Variants in PPP4R3A observed in about 807,000 individuals in gnomAD.
The protein encoded by PPP4R3A is protein phosphatase 4 regulatory subunit 3A.
A neutral mutation model predicts 91.7 loss-of-function variants in PPP4R3A; 15 were observed. The observed-to-expected ratio is 0.16, with a 90% CI of 0.11 to 0.25. PPP4R3A has a LOEUF of 0.25. Among genes scored for constraint, PPP4R3A ranks in the 10% least tolerant of loss-of-function variants. The pLI is 1.00. For missense variants in PPP4R3A, 623 were observed against 998.4 expected (o/e 0.62, Z 5.07); for synonymous variants, 377 against 348.7 (o/e 1.08, Z -0.91).
intron 4 of PPP4R3A, among the ~76,000 whole-genome samples, chr14:91,478,460 C>T (rs145228610): frequency 6.6e-6 from 1 of 152,242 alleles, no homozygotes; most frequent in Non-Finnish European, 1.5e-5. Context: ...CTTGCCAAAA[C>T]ATTTGTAAAA....
chr14:91,501,463 G>C (rs1253311681), intron 1 of PPP4R3A, among the ~76,000 whole-genome samples: 3 of 152,028 alleles, frequency 2.0e-5, no homozygotes, highest in Non-Finnish European at 4.4e-5. Flanking sequence ...ATGCCAGCCT[G>C]GGCAACATAA....
chr14:91,470,382 G>A (rs1408878726), intron 10 of PPP4R3A, among the ~76,000 whole-genome samples: 1 of 152,118 alleles, frequency 6.6e-6, no homozygotes, highest in Non-Finnish European at 1.5e-5. Context: ...GTCTACAAAC[G>A]TTTTCATAAA....
At chr14:91,505,008 T>C (rs1343027061) in intron 1 of PPP4R3A, among the ~76,000 whole-genome samples, 1 of 152,196 alleles carries the variant, frequency 6.6e-6, no homozygotes, top group African/African-American at 2.4e-5. Flanking sequence ...GCTAACACTA[T>C]ATACATTATA....
rs1889743266 is a variant in PPP4R3A, at chr14:91,484,206, AG to A, written c.297+1425del. On this transcript the variant is annotated intron_variant, in intron 3 of 14. Coordinates refer to ENST00000554943, the MANE Select transcript of PPP4R3A (RefSeq NM_001366432.2). ...GTCCTTTCATGTTTCAGAGAAGGAA[AG>A]GGACAGCTTAACAGACAGGTTAATT... 3.3e-5 allele frequency among the ~76,000 whole-genome samples: 5 copies of A among 152,370 alleles called. No individual in the cohort carries two copies. The South Asian group carries it at 6.2e-4, about 19-fold the overall frequency.
Position 91,476,890 on chromosome 14 carries a change from A to G in PPP4R3A, c.993+19T>C, listed in dbSNP as rs1567152047. 2.6e-6 allele frequency: 4 copies of G among 1,568,148 alleles called. No individual in the cohort carries two copies. The highest frequency in any genetic ancestry group is 1.9e-5 in the Admixed American group (1 of 53,704). On this transcript the variant is annotated intron_variant, in intron 5 of 14. Coordinates refer to ENST00000554943, the MANE Select transcript of PPP4R3A (RefSeq NM_001366432.2). ...CAGTTGTTTTATTTTTATGCCTTTC[A>G]TAGTATCTAATTTCTTACCAATTCC...
intron 10 of PPP4R3A, 38 bp downstream of exon 10, chr14:91,470,799 G>A (rs10873409): frequency 0.47 from 743,401 of 1,584,682 alleles, 177,247 homozygotes; most frequent in Admixed American, 0.56. Context: ...ATACCAACAT[G>A]TCAATATACA....
chr14:91,502,935 A>G (rs769903518), intron 1 of PPP4R3A, among the ~76,000 whole-genome samples: 6 of 152,228 alleles, frequency 3.9e-5, no homozygotes, highest in Non-Finnish European at 7.3e-5. Flanking sequence ...TTATGGCCAA[A>G]GACACTCTTC....
intron 1 of PPP4R3A, among the ~76,000 whole-genome samples, chr14:91,499,896 T>C (rs2140156423): frequency 6.6e-6 from 1 of 151,416 alleles, no homozygotes; most frequent in Non-Finnish European, 1.5e-5. Context: ...TGTGAGGCCC[T>C]TTCTTGTAGG....
chr14:91,495,428 C>A (rs948447858), intron 1 of PPP4R3A, among the ~76,000 whole-genome samples: 1 of 151,738 alleles, frequency 6.6e-6, no homozygotes, highest in Non-Finnish European at 1.5e-5. Flanking sequence ...AATTCTCCTG[C>A]CTCAGCCACC....
intron 10 of PPP4R3A, among the ~76,000 whole-genome samples, chr14:91,465,685 T>C (rs142832338): frequency 1.4e-3 from 214 of 152,310 alleles, no homozygotes; most frequent in African/African-American, 4.9e-3. Context: ...CAGTTACTAA[T>C]GACCAAAATG....
At chr14:91,500,721 A>G (rs1890895585) in intron 1 of PPP4R3A, among the ~76,000 whole-genome samples, 1 of 152,178 alleles carries the variant, frequency 6.6e-6, no homozygotes, top group African/African-American at 2.4e-5. Context: ...AAAATTACTG[A>G]CTTTTAAAAC....
chr14:91,507,355 A>G (rs1463531470), intron 1 of PPP4R3A, among the ~76,000 whole-genome samples: 33 of 90,784 alleles, frequency 3.6e-4, no homozygotes, highest in Admixed American at 8.8e-4. Flanking sequence ...TATATACTAT[A>G]TAGTATATAT....
At chr14:91,463,190 A>C (rs1438450648) in intron 11 of PPP4R3A, among the ~76,000 whole-genome samples, 1 of 151,872 alleles carries the variant, frequency 6.6e-6, no homozygotes, top group African/African-American at 2.4e-5. Context: ...CTCAGCCTCC[A>C]GAGTAGCTGG....
At chr14:91,469,116 T>TTA (rs369523807) in intron 10 of PPP4R3A, among the ~76,000 whole-genome samples, 3 of 133,158 alleles carry the variant, frequency 2.3e-5, no homozygotes, top group African/African-American at 8.5e-5. Context: ...ATTTTTTCTG[T>TTA]AAAAAAAAAA....
rs1443378878 is a variant in PPP4R3A, at chr14:91,475,980, A to G, written c.1111-14T>C. ...ATCATCCATGCCCTGCAGACAAAAAACATTTATTTTTCCTGTATTTATAAA... is the reference window on the plus strand; with the variant it reads ...ATCATCCATGCCCTGCAGACAAAAAGCATTTATTTTTCCTGTATTTATAAA... On this transcript the variant is annotated splice_polypyrimidine_tract_variant and intron_variant, in intron 6 of 14. Coordinates refer to ENST00000554943, the MANE Select transcript of PPP4R3A (RefSeq NM_001366432.2). 1.3e-6 allele frequency: 2 copies of G among 1,522,754 alleles called. No homozygotes were observed. The highest frequency in any genetic ancestry group is 1.7e-6 in the Non-Finnish European group (2 of 1,143,642). The allele number at this position is 1,522,754 out of a possible 1,614,324, so 94.3% of individuals were successfully genotyped here.
rs751810612 is a variant in PPP4R3A, at chr14:91,458,798, A to G, written c.2463T>C (p.Asp821=). ...EDDDEDEDKE[D]TLPLSKKAKF... is the part of the protein sequence containing the mutation. ...TTGCTTTCTTTGACAATGGTAACGT[A>G]TCTTCCTTATCTTCATCCTCATCAT... The change falls in exon 15 of 15, where the codon GAT becomes GAC. Residue 821 remains aspartate (D), a synonymous_variant. Transcript: ENST00000554943. The G allele has an allele frequency of 3.8e-5, 61 of 1,614,032 alleles. No individual in the cohort carries two copies. The highest frequency in any genetic ancestry group is 5.1e-5 in the Non-Finnish European group (60 of 1,180,028).
intron 3 of PPP4R3A, among the ~76,000 whole-genome samples, chr14:91,482,926 CA>C (rs1889659213): frequency 6.6e-6 from 1 of 151,956 alleles, no homozygotes; most frequent in South Asian, 2.1e-4. Flanking sequence ...GAGTTATTCC[CA>C]AAAAAGGTCT....
At chr14:91,508,313 T>C (rs1891539799) in intron 1 of PPP4R3A, among the ~76,000 whole-genome samples, 1 of 152,184 alleles carries the variant, frequency 6.6e-6, no homozygotes, top group Non-Finnish European at 1.5e-5. Flanking sequence ...AACATCAATA[T>C]TCCCAGAGTC....
chr14:91,483,019 G>A (rs1011769959), intron 3 of PPP4R3A, among the ~76,000 whole-genome samples: 2 of 152,176 alleles, frequency 1.3e-5, no homozygotes, highest in Non-Finnish European at 2.9e-5. Flanking sequence ...CCCTCTAGGA[G>A]CCTGAAAATC....
Sources: gnomAD v4.1 joint callset for allele counts (sites outside exome capture counted in the v4.1 genomes callset) on GRCh38, gnomAD v4.1.1 for gene constraint, MANE v1.5 for transcripts, NCBI Gene and HGNC (gene_info 2026-07-23, HGNC 2026-07-21) for gene names.